The following CDH20 variants were observed in gnomAD, a reference collection of about 807,000 sequenced individuals.
CDH20 encodes the protein cadherin-20.
In CDH20, 29 loss-of-function variants were observed where a neutral mutation model predicts 74.2. The observed-to-expected ratio is 0.39, with a 90% CI of 0.29 to 0.53. The LOEUF (loss-of-function observed/expected upper bound fraction) is 0.53. Among genes scored for constraint, CDH20 ranks in the 20% least tolerant of loss-of-function variants. The probability of loss-of-function intolerance (pLI) is 0.69; values close to 1 mark genes in which losing one functional copy is unlikely to be tolerated. For missense variants in CDH20, 988 were observed against 1,048.3 expected (o/e 0.94, Z 0.79); for synonymous variants, 469 against 405.4 (o/e 1.16, Z -1.88).
intron 1 of CDH20, among the ~76,000 whole-genome samples, chr18:61,341,865 G>A (rs1909962973): frequency 6.6e-6 from 1 of 152,194 alleles, no homozygotes; most frequent in African/African-American, 2.4e-5. Flanking sequence ...TCACAGTTTT[G>A]AAGTGTTATA....
intron 1 of CDH20, among the ~76,000 whole-genome samples, chr18:61,425,952 C>A (rs531185621): frequency 6.6e-6 from 1 of 152,258 alleles, no homozygotes; most frequent in Admixed American, 6.5e-5. Flanking sequence ...GCAACACTCC[C>A]AGTACTTCAC....
intron 1 of CDH20, among the ~76,000 whole-genome samples, chr18:61,454,378 G>A (rs1483901283): frequency 6.6e-6 from 1 of 152,156 alleles, no homozygotes; most frequent in Admixed American, 6.5e-5. Flanking sequence ...CAGTGTTTGA[G>A]TTTTCGTTTT....
intron 1 of CDH20, among the ~76,000 whole-genome samples, chr18:61,430,911 G>C (rs1913232435): frequency 6.6e-6 from 1 of 152,094 alleles, no homozygotes. Context: ...CCTTTTCCTG[G>C]AGAATGGTAT....
At chr18:61,429,089 T>C (rs777468044) in intron 1 of CDH20, among the ~76,000 whole-genome samples, 2 of 151,596 alleles carry the variant, frequency 1.3e-5, no homozygotes, top group African/African-American at 2.4e-5. Flanking sequence ...GTGAGGGGGG[T>C]TTTATCGAAT....
chr18:61,524,055 T>TATA (rs141655676), intron 6 of CDH20, among the ~76,000 whole-genome samples: 1,586 of 151,256 alleles, frequency 0.01, 19 homozygotes, highest in African/African-American at 0.032. Context: ...GGATTTAAAG[T>TATA]ATAATAATAA....
chr18:61,465,899 A>AG (rs1909944864), intron 1 of CDH20, among the ~76,000 whole-genome samples: 1 of 152,004 alleles, frequency 6.6e-6, no homozygotes, highest in Admixed American at 6.6e-5. Context: ...CTCTAAAAAA[A>AG]AAATTTACAA....
At position 61,362,658 on chromosome 18, in the gene CDH20, T is replaced by C. The variant is rs74256254; in HGVS notation, c.-153+28831T>C. Among the ~76,000 whole-genome samples the C allele has an allele frequency of 1.4e-4, 22 of 152,224 alleles. No individual in the cohort carries two copies. In the East Asian group the frequency reaches 3.3e-3, roughly 23 times the overall value. On this transcript the variant is annotated intron_variant, in intron 1 of 11. Transcript: ENST00000262717. ...AAGCAACAATTCTAAGTAATCACAGTAGACTTAGTATGACTAAGTACTATG... is the reference window on the plus strand; with the variant it reads ...AAGCAACAATTCTAAGTAATCACAGCAGACTTAGTATGACTAAGTACTATG...
At chr18:61,405,115 A>C in intron 1 of CDH20, 1 of 647,448 alleles carries the variant, frequency 1.5e-6, no homozygotes, top group Admixed American at 1.8e-5. Context: ...GTCTGCTTGT[A>C]CCCCAGCACA....
chr18:61,534,935 C>T (rs1040292838), intron 7 of CDH20, among the ~76,000 whole-genome samples: 1 of 152,020 alleles, frequency 6.6e-6, no homozygotes, highest in Non-Finnish European at 1.5e-5. Context: ...TGTTAATTAG[C>T]CTGATTTGAT....
intron 1 of CDH20, among the ~76,000 whole-genome samples, chr18:61,394,148 C>G (rs1373121504): frequency 6.6e-6 from 1 of 152,014 alleles, no homozygotes; most frequent in Non-Finnish European, 1.5e-5. Context: ...TTGTATGTTC[C>G]CTGCTATACC....
In CDH20 at chr18:61,334,550, G is replaced by C. The variant is rs368081705; in HGVS notation, c.-153+723G>C. On this transcript the variant is annotated intron_variant, in intron 1 of 11. Coordinates refer to ENST00000262717, the MANE Select transcript of CDH20 (RefSeq NM_031891.4). ...ACTCTGGGGGAAGAGCCGGGGGCAAGGGGGTCAAATGGGGCTAAAGTTTCA... is the reference window on the plus strand; with the variant it reads ...ACTCTGGGGGAAGAGCCGGGGGCAACGGGGTCAAATGGGGCTAAAGTTTCA... 2.4e-3 allele frequency among the ~76,000 whole-genome samples: 356 copies of C among 150,964 alleles called. 1 individual carries two copies. Among genetic ancestry groups the C allele is most frequent in the African/African-American group, 7.9e-3 (328 of 41,424 alleles).
chr18:61,549,894 C>G, intron 10 of CDH20, 84 bp from the exon 11 acceptor site: 4 of 1,415,004 alleles, frequency 2.8e-6, no homozygotes, highest in South Asian at 2.6e-5. Context: ...CTTCCTACAC[C>G]CTGCCCCTGC....
chr18:61,381,967 A>ACCCC (rs200896787), intron 1 of CDH20, among the ~76,000 whole-genome samples: 2 of 150,426 alleles, frequency 1.3e-5, no homozygotes, highest in African/African-American at 4.9e-5. Context: ...TGTCACTACT[A>ACCCC]CCCCCCCCAG....
intron 6 of CDH20, among the ~76,000 whole-genome samples, chr18:61,527,407 A>ATAGATAGATAGATAGATAGG (rs1555683379): frequency 6.6e-6 from 1 of 150,960 alleles, no homozygotes; most frequent in Non-Finnish European, 1.5e-5. Flanking sequence ...AGATAGATAG[A>ATAGATAGATAGATAGATAGG]TAGATAGAAT....
rs1426658584 is a variant in CDH20, at chr18:61,353,815, C to T, written c.-153+19988C>T. 6.6e-6 allele frequency among the ~76,000 whole-genome samples: 1 copy of T among 152,138 alleles called. No individual in the cohort carries two copies. Among genetic ancestry groups the T allele is most frequent in the Admixed American group, 6.5e-5 (1 of 15,272 alleles). On this transcript the variant is annotated intron_variant, in intron 1 of 11. Coordinates refer to ENST00000262717, the MANE Select transcript of CDH20 (RefSeq NM_031891.4). This position sits in a 1 kb window ranked among gnomAD's most constrained non-coding sequence, Gnocchi z 4.6. ...TTTCAGTTCCAGCCAGTCATGGTGG[C>T]TCATGCCTGTAATCCCAGCATTTTA...
intron 6 of CDH20, 58 bp from the exon 7 acceptor site, chr18:61,527,909 A>T: frequency 6.4e-7 from 1 of 1,567,458 alleles, no homozygotes; most frequent in Non-Finnish European, 8.8e-7. Flanking sequence ...TTGAACGTTG[A>T]CATATTTTGA....
At chr18:61,393,387 A>G (rs1436012971) in intron 1 of CDH20, among the ~76,000 whole-genome samples, 3 of 152,182 alleles carry the variant, frequency 2.0e-5, no homozygotes, top group African/African-American at 4.8e-5. Context: ...GGAATTGTCA[A>G]TGTTTATCTG....
intron 1 of CDH20, among the ~76,000 whole-genome samples, chr18:61,443,484 G>A (rs1224224264): frequency 2.0e-5 from 3 of 152,042 alleles, no homozygotes; most frequent in Non-Finnish European, 4.4e-5. Flanking sequence ...AAACATGACT[G>A]CAGGCTGGAT....
chr18:61,483,132 A>G (rs918870119), intron 1 of CDH20, among the ~76,000 whole-genome samples: 1 of 151,948 alleles, frequency 6.6e-6, no homozygotes, highest in African/African-American at 2.4e-5. Context: ...CCCTTTTCTG[A>G]TCTGGCCTAG....
Sources: gnomAD v4.1 joint callset for allele counts (sites outside exome capture counted in the v4.1 genomes callset) on GRCh38, gnomAD v4.1.1 for gene constraint, Gnocchi (gnomAD v3.1) non-coding constraint, MANE v1.5 for transcripts, NCBI Gene and HGNC (gene_info 2026-07-23, HGNC 2026-07-21) for gene names.